PYCR3: variants seen among roughly 807,000 people sequenced by gnomAD.
The protein encoded by PYCR3 is pyrroline-5-carboxylate reductase 3.
Under a neutral mutation model 23.4 loss-of-function variants are expected in PYCR3, and 26 were observed. The observed-to-expected ratio is 1.11, with a 90% CI of 0.81 to 1.54. The LOEUF is 1.54. Among genes scored for constraint, PYCR3 ranks in the 40% most tolerant of loss-of-function variants. PYCR3 has a pLI of 0.00. For missense variants in PYCR3, 360 were observed against 376.3 expected, an observed-to-expected ratio of 0.96 and a Z score of 0.36; for synonymous variants, 194 against 162.6, an observed-to-expected ratio of 1.19 and a Z score of -1.47.
Position 143,605,597 on chromosome 8 carries a change from G to A in PYCR3, c.*103C>T. ...TCCCTGTGCAAGGGGAGAAGGAGCAGTAGGAGACCCTCATGCAGGAGGGAG... is the reference window on the plus strand; with the variant it reads ...TCCCTGTGCAAGGGGAGAAGGAGCAATAGGAGACCCTCATGCAGGAGGGAG... On this transcript the variant is annotated 3_prime_UTR_variant, in exon 6 of 6. Coordinates refer to ENST00000495276, the MANE Select transcript of PYCR3 (RefSeq NM_023078.6). The A allele has an allele frequency of 9.4e-7, 1 of 1,059,062 alleles. No homozygotes were observed. Among genetic ancestry groups the A allele is most frequent in the South Asian group, 1.6e-5 (1 of 64,252 alleles). 65.6% of individuals were successfully genotyped at this position (1,059,062 alleles called of 1,614,324 possible).
intron 5 of PYCR3, 40 bp from the exon 6 acceptor site, chr8:143,605,922 T>A: frequency 6.3e-7 from 1 of 1,580,794 alleles, no homozygotes; most frequent in Non-Finnish European, 8.6e-7. Flanking sequence ...GGGGAGGTGG[T>A]GCGGTCCCCA....
intron 1 of PYCR3, 196 bp from the exon 2 acceptor site, chr8:143,608,322 G>A (rs963199575): frequency 1.5e-5 from 9 of 589,098 alleles, no homozygotes; most frequent in East Asian, 2.9e-5. Flanking sequence ...TCTACTTGGC[G>A]GTCAACGCCC....
chr8:143,605,054 C>A lies in PYCR3; in HGVS notation c.*646G>T. The A allele has an allele frequency of 2.4e-6, 1 of 415,854 alleles. No individual in the cohort carries two copies. The highest frequency in any genetic ancestry group is 4.8e-6 in the Non-Finnish European group (1 of 208,468). 25.8% of individuals were successfully genotyped at this position (415,854 alleles called of 1,614,324 possible). ...CCACCTGGTGCCACCCCAGCACTGCCGCAGACCTGGCCCAGCAGCTCCTGC... is the reference window on the plus strand; with the variant it reads ...CCACCTGGTGCCACCCCAGCACTGCAGCAGACCTGGCCCAGCAGCTCCTGC... On this transcript the variant is annotated 3_prime_UTR_variant, in exon 6 of 6. Coordinates refer to ENST00000495276, the MANE Select transcript of PYCR3 (RefSeq NM_023078.6).
intron 5 of PYCR3, 64 bp downstream of exon 5, chr8:143,605,998 T>G: frequency 1.3e-6 from 2 of 1,562,020 alleles, no homozygotes; most frequent in Non-Finnish European, 1.7e-6. Context: ...GCTGTTTCCC[T>G]GCGCACTGGA....
chr8:143,608,174 G>C, intron 1 of PYCR3, 48 bp from the exon 2 acceptor site: 1 of 1,474,856 alleles, frequency 6.8e-7, no homozygotes, highest in South Asian at 1.1e-5. Context: ...GGTGGGATAG[G>C]ATGGCACGGA....
At position 143,605,284 on chromosome 8, in the gene PYCR3, C is replaced by G. The variant is rs541459259; in HGVS notation, c.*416G>C. ...GCCTGGCTGTAGCTGCACGGAGCCA[C>G]CTGGAAAGCCAAAGGCAAGCTCCAG... is the stretch of plus-strand genomic sequence containing the variant. On this transcript the variant is annotated 3_prime_UTR_variant, in exon 6 of 6. Coordinates refer to ENST00000495276, the MANE Select transcript of PYCR3 (RefSeq NM_023078.6). 115 of 288,284 alleles carry G rather than the reference C, an allele frequency of 4.0e-4. No individual in the cohort carries two copies. In the South Asian group the frequency reaches 4.1e-3, roughly 10 times the overall value. 17.9% of individuals were successfully genotyped at this position (288,284 alleles called of 1,614,324 possible).
intron 1 of PYCR3, 147 bp from the exon 2 acceptor site, chr8:143,608,273 TG>T: frequency 1.6e-6 from 1 of 625,074 alleles, no homozygotes; most frequent in Admixed American, 2.9e-5. Context: ...CAAAGCGGGA[TG>T]CACCATTCAC....
In PYCR3 at chr8:143,605,347, G is replaced by T. The variant is rs1478737892; in HGVS notation, c.*353C>A. On this transcript the variant is annotated 3_prime_UTR_variant, in exon 6 of 6. Coordinates refer to ENST00000495276, the MANE Select transcript of PYCR3 (RefSeq NM_023078.6). ...CATTGGGCCAGCCGTGCCTGTTACC[G>T]TAAGTTCTGTTCATGGCCTCAACCA... The T allele has an allele frequency of 5.5e-6, 2 of 362,508 alleles. No homozygotes were observed. Among genetic ancestry groups the T allele is most frequent in the African/African-American group, 2.1e-5 (1 of 48,398 alleles). The allele number at this position is 362,508 out of a possible 1,614,324, so 22.5% of individuals were successfully genotyped here.
rs749647432 is a variant in PYCR3 at position 143,606,140 on chromosome 8, G to C, written c.564C>G (p.Ser188=). The part of the protein sequence containing the change: ...GSGVAFVCAF[S]EALAEGAVKM... Reference sequence around the variant, plus strand: ...TGACGGCTCCTTCAGCCAGGGCCTCGGAGAATGCACACACCTGTAGCCGCG... The same window carrying C: ...TGACGGCTCCTTCAGCCAGGGCCTCCGAGAATGCACACACCTGTAGCCGCG... Residue 188 remains serine, a synonymous_variant, in exon 5 of 6, where the codon TCC becomes TCG. Coordinates refer to ENST00000495276, the MANE Select transcript of PYCR3 (RefSeq NM_023078.6). 1.9e-6 allele frequency: 3 copies of C among 1,609,340 alleles called. No individual in the cohort carries two copies. The highest frequency in any genetic ancestry group is 1.1e-5 in the South Asian group (1 of 90,346).
chr8:143,607,684 GCA>G (rs1248204515), intron 2 of PYCR3, among the ~76,000 whole-genome samples: 1 of 151,848 alleles, frequency 6.6e-6, no homozygotes, highest in Non-Finnish European at 1.5e-5. Context: ...ATACACACAC[GCA>G]CACACATGCA....
Position 143,604,440 on chromosome 8 carries a change from G to T in PYCR3, c.*1260C>A. The T allele has an allele frequency of 5.4e-6, 1 of 185,048 alleles. No individual in the cohort carries two copies. Among genetic ancestry groups the T allele is most frequent in the Non-Finnish European group, 1.1e-5 (1 of 88,328 alleles). The allele number at this position is 185,048 out of a possible 1,614,324, so 11.5% of individuals were successfully genotyped here. On this transcript the variant is annotated 3_prime_UTR_variant, in exon 6 of 6. Transcript: ENST00000495276. The stretch of plus-strand genomic sequence containing the variant: ...GGCCGCAGAGGCAGCTGAGCATGAG[G>T]GATGGAGCGTGCTGCTGTCCTGCAG...
chr8:143,604,709 C>T lies in PYCR3; in HGVS notation c.*991G>A, dbSNP rs1829343646. ...CCCGGGCCCTCCCCACCCAAAGGCCCTAGAACCCTAGCCTTCAATCCTGGG... is the reference window on the plus strand; with the variant it reads ...CCCGGGCCCTCCCCACCCAAAGGCCTTAGAACCCTAGCCTTCAATCCTGGG... On this transcript the variant is annotated 3_prime_UTR_variant, in exon 6 of 6. Transcript: ENST00000495276. The T allele has an allele frequency of 2.8e-6, 1 of 354,994 alleles. No homozygotes were observed. Among genetic ancestry groups the T allele is most frequent in the Non-Finnish European group, 5.5e-6 (1 of 181,752 alleles). 22.0% of individuals were successfully genotyped at this position (354,994 alleles called of 1,614,324 possible).
chr8:143,607,230 TC>T, intron 2 of PYCR3, 98 bp from the exon 3 acceptor site: 1 of 1,173,348 alleles, frequency 8.5e-7, no homozygotes, highest in Non-Finnish European at 1.2e-6. Flanking sequence ...GTTCCCATGG[TC>T]CCAGGGCCTC....
Position 143,608,067 on chromosome 8 carries a change from A to T in PYCR3, c.151T>A (p.Phe51Ile), listed in dbSNP as rs1477814994. The T allele has an allele frequency of 6.2e-7, 1 of 1,612,942 alleles. No individual in the cohort carries two copies. The highest frequency in any genetic ancestry group is 8.5e-7 in the Non-Finnish European group (1 of 1,179,022). The change falls in exon 2 of 6, where the codon TTT (phenylalanine) becomes ATT (isoleucine). Residue 51 changes from phenylalanine to isoleucine, a missense_variant. Physicochemically the swap from Phe to Ile is conservative, Grantham distance 21. Transcript: ENST00000495276. ...AACCTGGGCTCTATGCTCACTTGAA[A>T]GTGACATAGGTTCCTGTCTGTTGGT... ...SAPTDRNLCH[F>I]QALGCRTTHS...
rs2242089 is a variant in PYCR3, at chr8:143,606,976, C to T, written c.313G>A (p.Val105Met). ...EHILVSVAAG[V>M]SLSTLEELLP... ...ACCTCCTCCAGGGTGCTCAGAGACA[C>T]CCCAGCAGCCACGGACACCAAGATG... is the stretch of plus-strand genomic sequence containing the variant. Residue 105 changes from valine (V) to methionine (M), a missense_variant, in exon 3 of 6, where the codon GTG (valine) becomes ATG (methionine). Val to Met is a conservative substitution (Grantham distance 21, BLOSUM62 1). Transcript: ENST00000495276. 316,888 of 1,606,874 alleles carry T rather than the reference C, an allele frequency of 0.2. 33,129 individuals carry two copies. The highest frequency in any genetic ancestry group is 0.36 in the East Asian group (15,902 of 44,666).
At chr8:143,609,291 C>T (rs1829480497) in intron 1 of PYCR3, among the ~76,000 whole-genome samples, 167 bp downstream of exon 1, 1 of 152,288 alleles carries the variant, frequency 6.6e-6, no homozygotes, top group Non-Finnish European at 1.5e-5. Context: ...AATCTTCCCG[C>T]AGCCACGTCA....
At position 143,606,079 on chromosome 8, in the gene PYCR3, C is replaced by T. The variant is rs761766758; in HGVS notation, c.625G>A (p.Ala209Thr). 1.1e-5 allele frequency: 17 copies of T among 1,609,074 alleles called. No homozygotes were observed. The highest frequency in any genetic ancestry group is 4.5e-5 in the East Asian group (2 of 44,708). The change falls in exon 5 of 6, where the codon GCT becomes ACT. Residue 209 changes from alanine (A) to threonine (T), a missense_variant. Ala to Thr is a moderately conservative substitution (Grantham distance 58). Coordinates refer to ENST00000495276, the MANE Select transcript of PYCR3 (RefSeq NM_023078.6). ...GMPSSLAHRI[A>T]AQTLLGTAKM... ...TCACTCACCAGCAGGGTCTGGGCAG[C>T]GATGCGGTGGGCCAGGCTGCTGGGC...
Position 143,607,053 on chromosome 8 carries a change from T to C in PYCR3, c.236A>G (p.His79Arg), listed in dbSNP as rs1274256967. 1.2e-6 allele frequency: 2 copies of C among 1,613,080 alleles called. No homozygotes were observed. Among genetic ancestry groups the C allele is most frequent in the Admixed American group, 1.7e-5 (1 of 59,974 alleles). Residue 79 changes from histidine (H) to arginine (R), a missense_variant, in exon 3 of 6, where the codon CAT (histidine) becomes CGT (arginine). Transcript: ENST00000495276. The stretch of plus-strand genomic sequence containing the variant: ...CTCTGCCAGGACAGCTGGCAGCACA[T>C]GAGGCTTGGTGGCAAAGATGACGAG... Reference protein sequence around the residue: ...CLLVIFATKPHVLPAVLAEVA... With the variant: ...CLLVIFATKPRVLPAVLAEVA...
rs1420404185 is a variant in PYCR3 at position 143,606,589 on chromosome 8, G to A, written c.427C>T (p.His143Tyr). Residue 143 changes from histidine (H) to tyrosine (Y), a missense_variant, in exon 4 of 6, where the codon CAC becomes TAC. Coordinates refer to ENST00000495276, the MANE Select transcript of PYCR3 (RefSeq NM_023078.6). ...AGCTTGGTCTCGCTGCTCCCCACGT[G>A]GCGGCCCCGCGCCATCACTATGGCC... ...EGAIVMARGRHVGSSETKLLQ... is the reference protein window; with the variant it reads ...EGAIVMARGRYVGSSETKLLQ... 7 of 1,612,388 alleles carry A rather than the reference G, an allele frequency of 4.3e-6. No homozygotes were observed. The highest frequency in any genetic ancestry group is 5.9e-6 in the Non-Finnish European group (7 of 1,179,772).
Sources: allele counts gnomAD v4.1 joint callset (sites outside exome capture counted in the v4.1 genomes callset), GRCh38; gene constraint gnomAD v4.1.1; transcripts MANE v1.5; gene names NCBI Gene and HGNC (gene_info 2026-07-23, HGNC 2026-07-21).